Variants in NUP85 observed in about 807,000 individuals in gnomAD.
NUP85 encodes the protein nucleoporin 85.
In NUP85, 23 loss-of-function variants were observed where a neutral mutation model predicts 92.8. The ratio of observed to expected loss-of-function variants is 0.25; its 90% CI spans 0.18 to 0.35. NUP85 has a LOEUF of 0.35. NUP85 is among the 10% of genes least tolerant of loss of function. The probability of loss-of-function intolerance (pLI) is 1.00; values close to 1 mark genes in which losing one functional copy is unlikely to be tolerated. For missense variants in NUP85, 759 were observed against 822.8 expected, an observed-to-expected ratio of 0.92 and a Z score of 0.95; for synonymous variants, 314 against 306.9, an observed-to-expected ratio of 1.02 and a Z score of -0.24.
chr17:75,206,213 A>G (rs2145254779), intron 1 of NUP85, among the ~76,000 whole-genome samples: 1 of 152,204 alleles, frequency 6.6e-6, no homozygotes, highest in African/African-American at 2.4e-5. Flanking sequence ...ATCTCAGGAG[A>G]CTATTCCTGT....
chr17:75,205,852 A>G (rs1185390587), intron 1 of NUP85, 58 bp downstream of exon 1: 4 of 1,590,280 alleles, frequency 2.5e-6, no homozygotes, highest in Non-Finnish European at 3.5e-6. Context: ...GCGTCTGCTT[A>G]GTTACTTCAG....
intron 18 of NUP85, 27 bp downstream of exon 18, chr17:75,235,228 T>C: frequency 6.4e-7 from 1 of 1,566,824 alleles, no homozygotes; most frequent in Non-Finnish European, 8.8e-7. Flanking sequence ...GGTTGATGGT[T>C]CCACATGGAG....
At chr17:75,233,850 G>A (rs575663892) in intron 16 of NUP85, among the ~76,000 whole-genome samples, 7 of 151,754 alleles carry the variant, frequency 4.6e-5, no homozygotes, top group Admixed American at 1.3e-4. Flanking sequence ...CGCCTGCCTC[G>A]GCCTCCCAAA....
In NUP85 at chr17:75,218,588, G is replaced by GTTTTTTTTTT. The variant is rs67761124; in HGVS notation, c.597+292_597+301dup. On this transcript the variant is annotated intron_variant, in intron 7 of 18. Transcript: ENST00000245544. ...AAGACACAAAAAGGAATACAAAACC[G>GTTTTTTTTTT]TTTTTTTTTTTTTTTTTTTGAGACA... Among the ~76,000 whole-genome samples, 19 of 82,852 alleles carry GTTTTTTTTTT rather than the reference G, an allele frequency of 2.3e-4. 1 individual carries two copies. The highest frequency in any genetic ancestry group is 4.1e-4 in the Admixed American group (2 of 4,922). The allele number at this position is 82,852 out of a possible 152,430, so 54.4% of individuals were successfully genotyped here.
At chr17:75,219,513 A>T (rs547935321) in intron 7 of NUP85, among the ~76,000 whole-genome samples, 1 of 152,082 alleles carries the variant, frequency 6.6e-6, no homozygotes, top group Admixed American at 6.6e-5. Context: ...GGCTCAAGCA[A>T]TCCTTCCACC....
chr17:75,226,628 A>G (rs1173082590), intron 11 of NUP85: 2 of 357,534 alleles, frequency 5.6e-6, no homozygotes, highest in African/African-American at 4.2e-5. Context: ...CCTTCAAACC[A>G]TAGCATCTGC....
At chr17:75,215,988 G>A (rs1246071471) in intron 6 of NUP85, among the ~76,000 whole-genome samples, 165 bp downstream of exon 6, 2 of 152,140 alleles carry the variant, frequency 1.3e-5, no homozygotes, top group South Asian at 2.1e-4. Flanking sequence ...AAACCTGACC[G>A]TTTTGTCAGG....
At chr17:75,209,686 C>T (rs1429879086) in intron 2 of NUP85, 137 bp from the exon 3 acceptor site, 1 of 600,670 alleles carries the variant, frequency 1.7e-6, no homozygotes, top group Non-Finnish European at 2.7e-6. Flanking sequence ...TCGTGATCTG[C>T]CTGCCTTGGC....
Position 75,218,101 on chromosome 17 carries a change from T to A in NUP85, c.476-84T>A. On this transcript the variant is annotated intron_variant, in intron 6 of 18. Coordinates refer to ENST00000245544, the MANE Select transcript of NUP85 (RefSeq NM_024844.5). The stretch of plus-strand genomic sequence containing the variant: ...AACCTATGTAGTCAGCTTGTCTGCC[T>A]TAAAGTTCTCTGTTCCTTGGATAAA... The A allele has an allele frequency of 6.3e-6, 10 of 1,586,786 alleles. No individual in the cohort carries two copies. The African/African-American group carries it at 6.7e-5, about 11-fold the overall frequency.
chr17:75,230,509 G>A (rs1370228521), intron 11 of NUP85, among the ~76,000 whole-genome samples: 2 of 151,896 alleles, frequency 1.3e-5, no homozygotes, highest in South Asian at 2.1e-4. Flanking sequence ...ACAGGTGTCC[G>A]CCACAACATC....
At chr17:75,217,546 G>T (rs192167101) in intron 6 of NUP85, among the ~76,000 whole-genome samples, 1 of 151,994 alleles carries the variant, frequency 6.6e-6, no homozygotes, top group Non-Finnish European at 1.5e-5. Flanking sequence ...GTCTCACTCC[G>T]TCACCCAGGC....
chr17:75,213,994 C>T (rs868594350), intron 5 of NUP85, among the ~76,000 whole-genome samples: 22 of 151,674 alleles, frequency 1.5e-4, no homozygotes, highest in South Asian at 1.0e-3. Context: ...GCCTCAGCCT[C>T]CCGAGTAGCT....
In NUP85 at chr17:75,226,175, C is replaced by G. The variant is rs902985282; in HGVS notation, c.1094+18C>G. ...GAGTGCAGGTAGGATCTCTCCCACC[C>G]CCCACTGTAACCATTTTTAGGTGTA... is the stretch of plus-strand genomic sequence containing the variant. On this transcript the variant is annotated intron_variant, in intron 11 of 18. Transcript: ENST00000245544. The G allele has an allele frequency of 1.4e-5, 23 of 1,594,940 alleles. No individual in the cohort carries two copies. Among genetic ancestry groups the G allele is most frequent in the Admixed American group, 3.3e-5 (2 of 59,942 alleles).
Position 75,233,110 on chromosome 17 carries a change from G to C in NUP85, c.1567G>C (p.Asp523His). The C allele has an allele frequency of 6.2e-7, 1 of 1,614,126 alleles. No homozygotes were observed. The highest frequency in any genetic ancestry group is 8.5e-7 in the Non-Finnish European group (1 of 1,180,022). Residue 523 changes from aspartate to histidine, a missense_variant, in exon 16 of 19, where the codon GAC becomes CAC. Coordinates refer to ENST00000245544, the MANE Select transcript of NUP85 (RefSeq NM_024844.5). ...CTGCTTTTCTGATTTGGATCTCATT[G>C]ACAACCTGGGGCCAGCCATGATGCT... ...RGCFSDLDLI[D>H]NLGPAMMLSD...
intron 4 of NUP85, 100 bp downstream of exon 4, chr17:75,212,162 G>C: frequency 1.6e-6 from 1 of 642,590 alleles, no homozygotes; most frequent in Non-Finnish European, 2.5e-6. Flanking sequence ...AAGTTTGATT[G>C]ATATTCCAGT....
chr17:75,207,081 C>T (rs1205888451), intron 1 of NUP85, among the ~76,000 whole-genome samples: 1 of 151,962 alleles, frequency 6.6e-6, no homozygotes, highest in African/African-American at 2.4e-5. Context: ...GATTTTAGGA[C>T]TAGTTTATAG....
intron 7 of NUP85, among the ~76,000 whole-genome samples, chr17:75,224,647 T>C (rs1291340495): frequency 6.6e-6 from 1 of 151,800 alleles, no homozygotes; most frequent in Non-Finnish European, 1.5e-5. Context: ...GCCTGGCCAA[T>C]ATGGTGAAAC....
intron 7 of NUP85, among the ~76,000 whole-genome samples, chr17:75,218,588 G>GTT (rs67761124): frequency 0.057 from 4,691 of 82,482 alleles, 900 homozygotes; most frequent in African/African-American, 0.19. Context: ...ATACAAAACC[G>GTT]TTTTTTTTTT....
chr17:75,212,109 T>G (rs1568069200), intron 4 of NUP85, 47 bp downstream of exon 4: 2 of 1,374,786 alleles, frequency 1.5e-6, no homozygotes, highest in South Asian at 2.4e-5. Context: ...TGTGTGTGTG[T>G]GGGTATTTTG....
Sources: gnomAD v4.1 joint callset for allele counts (sites outside exome capture counted in the v4.1 genomes callset) on GRCh38, gnomAD v4.1.1 for gene constraint, MANE v1.5 for transcripts, NCBI Gene and HGNC (gene_info 2026-07-23, HGNC 2026-07-21) for gene names.